Variants in SBF2 observed in about 807,000 individuals in gnomAD.
SBF2 encodes SET binding factor 2, also known as myotubularin-related protein 13.
Under a neutral mutation model 225.2 loss-of-function variants are expected in SBF2, and 112 were observed. The observed-to-expected ratio is 0.50, with a 90% CI of 0.43 to 0.58. SBF2 has a LOEUF of 0.58. Ranked by LOEUF, SBF2 falls within the 20% of genes least tolerant of loss-of-function variation. SBF2 has a pLI of 0.00. For missense variants in SBF2, 1,996 were observed against 2,206.2 expected (o/e 0.90, Z 1.91); for synonymous variants, 763 against 773.3 (o/e 0.99, Z 0.22).
intron 16 of SBF2, chr11:9,928,972 T>C (rs1565017036): frequency 4.2e-6 from 2 of 478,084 alleles, no homozygotes; most frequent in Non-Finnish European, 8.1e-6. Context: ...GCAGCAGAGA[T>C]AACTTGCAAC....
At chr11:10,099,925 GAAGA>G (rs1231184801) in intron 2 of SBF2, among the ~76,000 whole-genome samples, 1 of 151,854 alleles carries the variant, frequency 6.6e-6, no homozygotes, top group Non-Finnish European at 1.5e-5. Flanking sequence ...CACAAAAGAG[GAAGA>G]AAGAATCAAA....
chr11:10,278,880 T>C (rs757088410), intron 1 of SBF2, among the ~76,000 whole-genome samples: 32 of 151,964 alleles, frequency 2.1e-4, no homozygotes, highest in Non-Finnish European at 2.5e-4. Context: ...AAATGATCTT[T>C]ATCATATTGG....
intron 17 of SBF2, among the ~76,000 whole-genome samples, chr11:9,893,878 T>C (rs1446611047): frequency 6.6e-6 from 1 of 152,206 alleles, no homozygotes; most frequent in Non-Finnish European, 1.5e-5. Flanking sequence ...TCCCTATATT[T>C]TATTCCTGCA....
intron 16 of SBF2, among the ~76,000 whole-genome samples, chr11:9,898,399 G>A (rs1003761041): frequency 6.6e-6 from 1 of 152,170 alleles, no homozygotes; most frequent in African/African-American, 2.4e-5. Context: ...GGCTGGGCAC[G>A]GTGGTTCACA....
intron 2 of SBF2, among the ~76,000 whole-genome samples, chr11:10,190,019 C>T (rs970298571): frequency 6.6e-6 from 1 of 152,038 alleles, no homozygotes; most frequent in African/African-American, 2.4e-5. Flanking sequence ...GGTGTGGTGG[C>T]ACATGCCTGT....
intron 2 of SBF2, among the ~76,000 whole-genome samples, chr11:10,176,833 T>G (rs908073250): frequency 6.6e-6 from 1 of 152,154 alleles, no homozygotes; most frequent in Non-Finnish European, 1.5e-5. Flanking sequence ...CCTCCCTAAC[T>G]CATTTTATGA....
At chr11:9,828,547 G>C in intron 28 of SBF2, 1 of 985,416 alleles carries the variant, frequency 1.0e-6, no homozygotes, top group Non-Finnish European at 1.2e-6. Context: ...AAGCCAAAGA[G>C]ACCAACTTCT....
At chr11:9,903,370 A>T (rs1271338050) in intron 16 of SBF2, among the ~76,000 whole-genome samples, 1 of 152,148 alleles carries the variant, frequency 6.6e-6, no homozygotes, top group East Asian at 1.9e-4. Flanking sequence ...GAAAAAAAAT[A>T]AGATGGTAGG....
intron 1 of SBF2, among the ~76,000 whole-genome samples, chr11:10,289,657 C>G (rs1306024056): frequency 6.6e-6 from 1 of 152,138 alleles, no homozygotes; most frequent in Non-Finnish European, 1.5e-5. Flanking sequence ...GGATGCGGCC[C>G]TAGGCGGCCC....
chr11:10,229,775 A>G (rs1958746154), intron 1 of SBF2, among the ~76,000 whole-genome samples: 1 of 152,160 alleles, frequency 6.6e-6, no homozygotes, highest in African/African-American at 2.4e-5. Context: ...GGTGCTGAAA[A>G]AAATGTATAT....
chr11:9,894,529 A>T (rs545354188), intron 17 of SBF2, among the ~76,000 whole-genome samples: 5 of 147,906 alleles, frequency 3.4e-5, no homozygotes, highest in African/African-American at 1.2e-4. Context: ...AAAAAGAAAA[A>T]AAAAATTAGC....
rs144669042 is a variant in SBF2, at chr11:9,872,203, C to G, written c.1930-13807G>C. Reference sequence around the variant, plus strand: ...TGGAGGTGGAAGCTATTATCCTCAGCAAACTAACACAGGAACAGTAAACCT... The same window carrying G: ...TGGAGGTGGAAGCTATTATCCTCAGGAAACTAACACAGGAACAGTAAACCT... On this transcript the variant is annotated intron_variant, in intron 17 of 39. Transcript: ENST00000256190. 5.9e-5 allele frequency among the ~76,000 whole-genome samples: 9 copies of G among 152,264 alleles called. No homozygotes were observed. In the East Asian group the frequency reaches 1.7e-3, roughly 29 times the overall value.
At chr11:10,169,035 G>A in intron 2 of SBF2, among the ~76,000 whole-genome samples, 1 of 152,050 alleles carries the variant, frequency 6.6e-6, no homozygotes, top group East Asian at 1.9e-4. Flanking sequence ...TACTCTCAAT[G>A]AAATCTTTTT....
upstream of SBF2, among the ~76,000 whole-genome samples, chr11:10,295,293 G>C (rs1474013635): frequency 6.6e-6 from 1 of 152,160 alleles, no homozygotes; most frequent in Non-Finnish European, 1.5e-5. Context: ...TATTTTAAAT[G>C]AGTAAATGTG....
chr11:10,094,962 G>A (rs1951956514), intron 2 of SBF2, among the ~76,000 whole-genome samples: 1 of 151,656 alleles, frequency 6.6e-6, no homozygotes, highest in Non-Finnish European at 1.5e-5. Context: ...CATAGGTTAT[G>A]GCCAGCTGAG....
At chr11:10,035,568 GA>G (rs1207201839) in intron 3 of SBF2, among the ~76,000 whole-genome samples, 1 of 151,814 alleles carries the variant, frequency 6.6e-6, no homozygotes, top group Non-Finnish European at 1.5e-5. Flanking sequence ...AAATTTAAAA[GA>G]AAAAAACAAA....
At chr11:10,253,174 G>C (rs184149854) in intron 1 of SBF2, among the ~76,000 whole-genome samples, 1 of 140,178 alleles carries the variant, frequency 7.1e-6, no homozygotes, top group Admixed American at 7.1e-5. Flanking sequence ...TTTGCCTCTA[G>C]AGAAAAGAAA....
chr11:10,224,098 T>C (rs1217188003), intron 1 of SBF2, among the ~76,000 whole-genome samples: 2 of 152,166 alleles, frequency 1.3e-5, no homozygotes, highest in African/African-American at 4.8e-5. Flanking sequence ...TAGACTAGTA[T>C]CTACTTATAT....
At chr11:10,209,990 T>C (rs1957875373) in intron 1 of SBF2, among the ~76,000 whole-genome samples, 1 of 152,082 alleles carries the variant, frequency 6.6e-6, no homozygotes, top group South Asian at 2.1e-4. Context: ...ATCACATCCA[T>C]GTTTCAAGTA....
Sources: allele counts gnomAD v4.1 joint callset (sites outside exome capture counted in the v4.1 genomes callset), GRCh38; gene constraint gnomAD v4.1.1; transcripts MANE v1.5; gene names NCBI Gene and HGNC (gene_info 2026-07-23, HGNC 2026-07-21).